Variants in ZNF804A observed in about 807,000 individuals in gnomAD.
ZNF804A encodes zinc finger protein 804A.
Under a neutral mutation model 16.5 loss-of-function variants are expected in ZNF804A, and 2 were observed. The observed-to-expected ratio is 0.12, with a 90% confidence interval of 0.05 to 0.38. The LOEUF (loss-of-function observed/expected upper bound fraction) is 0.38, where lower values mean the gene tolerates loss of function less well. ZNF804A is among the 10% of genes least tolerant of loss of function. The probability of loss-of-function intolerance (pLI) is 0.99; values close to 1 mark genes in which losing one functional copy is unlikely to be tolerated. For synonymous variants in ZNF804A, 534 were observed against 489.6 expected, an observed-to-expected ratio of 1.09 and a Z score of -1.20; for missense variants, 1,473 against 1,390.7, an observed-to-expected ratio of 1.06 and a Z score of -0.94.
chr2:184,647,888 C>T lies in ZNF804A; in HGVS notation c.111+48818C>T, dbSNP rs117676786. 4.8e-4 allele frequency among the ~76,000 whole-genome samples: 73 copies of T among 152,210 alleles called. 2 individuals are homozygous for T. In the East Asian group the frequency reaches 9.7e-3, roughly 20 times the overall value. Reference sequence around the variant, plus strand: ...TCCAGATAGGAGAAATTCAGGAACACTTGCAAGATATGCTACAAGTTGAAT... The same window carrying T: ...TCCAGATAGGAGAAATTCAGGAACATTTGCAAGATATGCTACAAGTTGAAT... On this transcript the variant is annotated intron_variant, in intron 1 of 3. Coordinates refer to ENST00000302277, the MANE Select transcript of ZNF804A (RefSeq NM_194250.2).
At chr2:184,637,756 A>G (rs1691724361) in intron 1 of ZNF804A, among the ~76,000 whole-genome samples, 1 of 152,164 alleles carries the variant, frequency 6.6e-6, no homozygotes, top group African/African-American at 2.4e-5. Context: ...AGCTATTTAA[A>G]TACAACATAA....
At chr2:184,887,942 AG>A (rs1336682787) in intron 2 of ZNF804A, among the ~76,000 whole-genome samples, 1 of 152,154 alleles carries the variant, frequency 6.6e-6, no homozygotes, top group African/African-American at 2.4e-5. Flanking sequence ...GGACACAAAG[AG>A]GGAAAAAACA....
At chr2:184,774,598 T>C (rs1353381884) in intron 1 of ZNF804A, among the ~76,000 whole-genome samples, 1 of 151,834 alleles carries the variant, frequency 6.6e-6, no homozygotes, top group African/African-American at 2.4e-5. Flanking sequence ...CTTTTCTCCA[T>C]CTGTGGCAGA....
At chr2:184,633,709 A>C (rs73978033) in intron 1 of ZNF804A, among the ~76,000 whole-genome samples, 4,764 of 152,278 alleles carry the variant, frequency 0.031, 252 homozygotes, top group African/African-American at 0.11. Context: ...TATACATTTT[A>C]GCGTTTTTGT....
chr2:184,686,470 G>T (rs1692634700), intron 1 of ZNF804A, among the ~76,000 whole-genome samples: 2 of 152,192 alleles, frequency 1.3e-5, no homozygotes, highest in Non-Finnish European at 2.9e-5. Flanking sequence ...TTGATTCCAT[G>T]TCTGTGGCTA....
intron 1 of ZNF804A, among the ~76,000 whole-genome samples, chr2:184,852,061 A>G (rs1695612315): frequency 6.6e-6 from 1 of 151,622 alleles, no homozygotes; most frequent in East Asian, 1.9e-4. Flanking sequence ...TAGTCATTTG[A>G]ATTTCTTATC....
intron 1 of ZNF804A, among the ~76,000 whole-genome samples, chr2:184,668,205 T>C (rs1692281321): frequency 6.6e-6 from 1 of 151,882 alleles, no homozygotes; most frequent in Non-Finnish European, 1.5e-5. Context: ...TACAATGTGA[T>C]GTTTTGATCT....
intron 1 of ZNF804A, among the ~76,000 whole-genome samples, chr2:184,766,351 A>T (rs972761225): frequency 2.0e-5 from 3 of 152,106 alleles, no homozygotes; most frequent in Non-Finnish European, 4.4e-5. Context: ...CACATCACAT[A>T]AATAACAATT....
chr2:184,837,211 G>A (rs1574235013), intron 1 of ZNF804A, among the ~76,000 whole-genome samples: 2 of 152,058 alleles, frequency 1.3e-5, no homozygotes, highest in East Asian at 3.9e-4. Context: ...TTGATACCAG[G>A]AAGAAACATG....
chr2:184,604,040 C>G (rs1691093060), intron 1 of ZNF804A, among the ~76,000 whole-genome samples: 1 of 147,484 alleles, frequency 6.8e-6, no homozygotes, highest in African/African-American at 2.5e-5. Flanking sequence ...TTTGTTAATT[C>G]ATTAAATATT....
At chr2:184,604,789 A>C (rs1691115327) in intron 1 of ZNF804A, among the ~76,000 whole-genome samples, 1 of 152,156 alleles carries the variant, frequency 6.6e-6, no homozygotes, top group East Asian at 1.9e-4. Context: ...AAATATTTCT[A>C]TCGTTATATT....
At chr2:184,669,947 T>C (rs1029351977) in intron 1 of ZNF804A, among the ~76,000 whole-genome samples, 4 of 152,184 alleles carry the variant, frequency 2.6e-5, no homozygotes, top group Non-Finnish European at 5.9e-5. Context: ...GTTTGTTAAT[T>C]ATTTCAGTGA....
intron 2 of ZNF804A, among the ~76,000 whole-genome samples, chr2:184,888,348 C>T (rs1388542895): frequency 6.6e-6 from 1 of 151,962 alleles, no homozygotes; most frequent in Non-Finnish European, 1.5e-5. Context: ...CATTCTCTTC[C>T]TAGGTTTTGA....
In ZNF804A at chr2:184,936,297, A is replaced by G. The variant is rs373750240; in HGVS notation, c.901A>G (p.Ser301Gly). Residue 301 changes from serine to glycine, a missense_variant, in exon 4 of 4, where the codon AGT (serine) becomes GGT (glycine). Ser to Gly is a moderately conservative substitution (Grantham distance 56). Coordinates refer to ENST00000302277, the MANE Select transcript of ZNF804A (RefSeq NM_194250.2). The part of the protein sequence containing the change: ...VQTQEIKEVS[S>G]EKDALLLPSF... ...AACTCAAGAGATAAAAGAAGTCTCT[A>G]GTGAAAAAGATGCATTATTATTACC... 2.4e-5 allele frequency: 38 copies of G among 1,613,922 alleles called. No individual in the cohort carries two copies. The highest frequency in any genetic ancestry group is 3.1e-5 in the Non-Finnish European group (37 of 1,179,918).
chr2:184,660,174 T>C lies in ZNF804A; in HGVS notation c.111+61104T>C, dbSNP rs1024429960. On this transcript the variant is annotated intron_variant, in intron 1 of 3. Coordinates refer to ENST00000302277, the MANE Select transcript of ZNF804A (RefSeq NM_194250.2). ...TAGTAGTTTTAATGTAATTAAGAAG[T>C]TCTTGATCCAATCCACAAAACACAT... Among the ~76,000 whole-genome samples the C allele has an allele frequency of 2.0e-5, 3 of 152,194 alleles. 1 individual carries two copies. Among genetic ancestry groups the C allele is most frequent in the Admixed American group, 2.0e-4 (3 of 15,276 alleles).
At chr2:184,685,504 A>G (rs1403132868) in intron 1 of ZNF804A, among the ~76,000 whole-genome samples, 5 of 151,888 alleles carry the variant, frequency 3.3e-5, no homozygotes, top group Non-Finnish European at 5.9e-5. Context: ...GTCTAGGAAA[A>G]ATGAGGTATG....
chr2:184,743,744 G>A (rs751184286), intron 1 of ZNF804A, among the ~76,000 whole-genome samples: 1 of 151,720 alleles, frequency 6.6e-6, no homozygotes, highest in East Asian at 1.9e-4. Context: ...ATATTTAATG[G>A]TGGTATATTT....
intron 2 of ZNF804A, among the ~76,000 whole-genome samples, chr2:184,868,241 G>A (rs1407513065): frequency 6.6e-6 from 1 of 152,040 alleles, no homozygotes; most frequent in African/African-American, 2.4e-5. Flanking sequence ...AATGTGATAT[G>A]ATGTTCCAGA....
At chr2:184,734,480 A>T (rs897535251) in intron 1 of ZNF804A, among the ~76,000 whole-genome samples, 18 of 152,172 alleles carry the variant, frequency 1.2e-4, no homozygotes, top group Admixed American at 1.3e-4. Context: ...TTTTCCAGCT[A>T]TCCATCTGTT....
Sources: gnomAD v4.1 joint callset for allele counts (sites outside exome capture counted in the v4.1 genomes callset) on GRCh38, gnomAD v4.1.1 for gene constraint, MANE v1.5 for transcripts, NCBI Gene and HGNC (gene_info 2026-07-23, HGNC 2026-07-21) for gene names.